HGSNAT: variants seen among roughly 807,000 people sequenced by gnomAD.
The protein encoded by HGSNAT is heparan-alpha-glucosaminide N-acetyltransferase, also known as transmembrane protein 76.
HGSNAT carries 59 observed loss-of-function variants against 85.2 expected under a neutral mutation model. That is an observed-to-expected ratio of 0.69 (90% CI 0.56 to 0.86). The LOEUF is 0.86. Ranked by LOEUF, HGSNAT falls within the 40% of genes least tolerant of loss-of-function variation. The pLI is 0.00. For synonymous variants in HGSNAT, 321 were observed against 304.5 expected, an observed-to-expected ratio of 1.05 and a Z score of -0.56; for missense variants, 756 against 777.1, an observed-to-expected ratio of 0.97 and a Z score of 0.32.
intron 14 of HGSNAT, chr8:43,196,363 T>A (rs944776260): frequency 1.3e-6 from 1 of 766,648 alleles, no homozygotes; most frequent in Non-Finnish European, 1.9e-6. Context: ...ATTTCACTGT[T>A]TTTAAATGTT....
intron 17 of HGSNAT, among the ~76,000 whole-genome samples, chr8:43,198,433 G>A (rs1003810118): frequency 4.6e-5 from 7 of 151,764 alleles, no homozygotes; most frequent in South Asian, 2.1e-4. Flanking sequence ...GACTACAGGC[G>A]CCCGCCACCA....
chr8:43,196,152 C>T (rs1012051730), intron 14 of HGSNAT: 5 of 294,104 alleles, frequency 1.7e-5, no homozygotes, highest in African/African-American at 1.1e-4. Flanking sequence ...TGGCTGACTC[C>T]CTCTTGTGCT....
intron 12 of HGSNAT, among the ~76,000 whole-genome samples, chr8:43,191,963 C>G (rs1804546896): frequency 6.6e-6 from 1 of 152,014 alleles, no homozygotes; most frequent in Non-Finnish European, 1.5e-5. Flanking sequence ...GAATCTTGCT[C>G]TGTCGCCCAG....
intron 9 of HGSNAT, chr8:43,174,349 G>A (rs890233534): frequency 4.6e-5 from 7 of 152,148 alleles, no homozygotes; most frequent in African/African-American, 1.7e-4. Flanking sequence ...CATTAATCCT[G>A]AAAATACTTA....
At chr8:43,173,423 C>T (rs1803697906) in intron 8 of HGSNAT, among the ~76,000 whole-genome samples, 1 of 151,970 alleles carries the variant, frequency 6.6e-6, no homozygotes, top group African/African-American at 2.4e-5. Context: ...GATTCTCCTG[C>T]CTCAGCCTCC....
intron 2 of HGSNAT, among the ~76,000 whole-genome samples, chr8:43,150,689 C>T (rs1217185879): frequency 6.6e-6 from 1 of 151,914 alleles, no homozygotes; most frequent in African/African-American, 2.4e-5. Context: ...AAAAAATTAG[C>T]CAGGCATGGT....
At chr8:43,189,812 G>T (rs536961547) in intron 11 of HGSNAT, among the ~76,000 whole-genome samples, 31 of 152,286 alleles carry the variant, frequency 2.0e-4, no homozygotes, top group African/African-American at 7.0e-4. Context: ...TAGCCAGGAT[G>T]GTCTCGATCT....
In HGSNAT at chr8:43,192,341, A is replaced by G. The variant is rs1804566042; in HGVS notation, c.1288A>G (p.Lys430Glu). Residue 430 changes from lysine to glutamate, a missense_variant, in exon 13 of 18, where the codon AAG (lysine) becomes GAG (glutamate). Coordinates refer to ENST00000379644, the MANE Select transcript of HGSNAT (RefSeq NM_152419.3). Reference protein sequence around the residue: ...LGPGGIGDFGKYPNCTGGAAG... With the variant: ...LGPGGIGDFGEYPNCTGGAAG... Reference sequence around the variant, plus strand: ...TCCTGGGGGCATTGGAGATTTTGGCAAGTATCCAAATTGCACTGGAGGAGC... The same window carrying G: ...TCCTGGGGGCATTGGAGATTTTGGCGAGTATCCAAATTGCACTGGAGGAGC... 6.2e-7 allele frequency: 1 copy of G among 1,610,968 alleles called. No homozygotes were observed. The highest frequency in any genetic ancestry group is 8.5e-7 in the Non-Finnish European group (1 of 1,178,890).
chr8:43,160,015 G>A (rs1803221205), intron 4 of HGSNAT, among the ~76,000 whole-genome samples: 1 of 152,158 alleles, frequency 6.6e-6, no homozygotes, highest in Non-Finnish European at 1.5e-5. Context: ...GCATTAAGAA[G>A]AATAATATAT....
intron 2 of HGSNAT, among the ~76,000 whole-genome samples, chr8:43,148,634 C>A: frequency 6.7e-6 from 1 of 149,156 alleles, no homozygotes; most frequent in Non-Finnish European, 1.5e-5. Context: ...TTAAAAAATA[C>A]AAAAAATTAC....
intron 3 of HGSNAT, 32 bp downstream of exon 3, chr8:43,158,743 A>T: frequency 6.4e-7 from 1 of 1,557,928 alleles, no homozygotes; most frequent in Non-Finnish European, 8.6e-7. Flanking sequence ...ATCTAAGTGA[A>T]GTCTGCATTT....
intron 11 of HGSNAT, among the ~76,000 whole-genome samples, chr8:43,187,493 T>G (rs1166234082): frequency 6.6e-6 from 1 of 152,248 alleles, no homozygotes; most frequent in Non-Finnish European, 1.5e-5. Context: ...TCCGTTTACC[T>G]GGTAGATCTT....
chr8:43,198,996 G>C (rs1804826501), intron 17 of HGSNAT, among the ~76,000 whole-genome samples: 1 of 152,100 alleles, frequency 6.6e-6, no homozygotes, highest in South Asian at 2.1e-4. Flanking sequence ...CCGCCTCCCA[G>C]GTTCAAGTGA....
At chr8:43,166,457 C>A (rs1297416089) in intron 5 of HGSNAT, among the ~76,000 whole-genome samples, 2 of 152,160 alleles carry the variant, frequency 1.3e-5, no homozygotes, top group Admixed American at 6.5e-5. Flanking sequence ...ATCCTAGGGT[C>A]CTTAAGAATT....
intron 10 of HGSNAT, chr8:43,180,770 G>A (rs1444880824): frequency 4.1e-5 from 11 of 267,320 alleles, no homozygotes; most frequent in Admixed American, 2.2e-4. Context: ...GCAGCGAGCC[G>A]AGATCACGCC....
intron 2 of HGSNAT, among the ~76,000 whole-genome samples, chr8:43,149,685 G>A: frequency 6.6e-6 from 1 of 150,578 alleles, no homozygotes; most frequent in East Asian, 1.9e-4. Context: ...GGGCAACAGA[G>A]CAAGACTCTG....
rs1452229251 is a variant in HGSNAT at position 43,181,203 on chromosome 8, G to C, written c.1013-942G>C. On this transcript the variant is annotated intron_variant, in intron 10 of 17. Coordinates refer to ENST00000379644, the MANE Select transcript of HGSNAT (RefSeq NM_152419.3). The stretch of plus-strand genomic sequence containing the variant: ...AGAGGGAGAGGGAGAGGGAGAGGGA[G>C]AGGGAGAGGGAGAGGGAGAGGGAGA... 3.8e-4 allele frequency among the ~76,000 whole-genome samples: 13 copies of C among 34,520 alleles called. 2 individuals are homozygous for C. In the South Asian group the frequency reaches 0.025, roughly 66 times the overall value. The allele number at this position is 34,520 out of a possible 152,430, so 22.6% of individuals were successfully genotyped here.
chr8:43,142,557 A>G lies in HGSNAT; in HGVS notation c.118+1943A>G, dbSNP rs527516418. Among the ~76,000 whole-genome samples the G allele has an allele frequency of 2.6e-5, 4 of 152,284 alleles. No individual in the cohort carries two copies. In the South Asian group the frequency reaches 6.2e-4, roughly 24 times the overall value. On this transcript the variant is annotated intron_variant, in intron 1 of 17. Coordinates refer to ENST00000379644, the MANE Select transcript of HGSNAT (RefSeq NM_152419.3). ...CGCTGGCGTTACTCTGACAGTCTCT[A>G]GCTGTGGTTCCCTAGCTGTGGTCTT...
chr8:43,144,950 G>C (rs750322275), intron 1 of HGSNAT, among the ~76,000 whole-genome samples: 9 of 152,160 alleles, frequency 5.9e-5, no homozygotes, highest in Non-Finnish European at 7.3e-5. Context: ...CAGGCACACA[G>C]TAAGTGTTCA....
Sources: allele counts gnomAD v4.1 joint callset (sites outside exome capture counted in the v4.1 genomes callset), GRCh38; gene constraint gnomAD v4.1.1; transcripts MANE v1.5; gene names NCBI Gene and HGNC (gene_info 2026-07-23, HGNC 2026-07-21).